Variants in ANKRD11 observed in about 807,000 individuals in gnomAD.
ANKRD11 encodes the protein ankyrin repeat domain-containing protein 11.
Under a neutral mutation model 195.7 loss-of-function variants are expected in ANKRD11, and 17 were observed. The observed-to-expected ratio is 0.09, with a 90% confidence interval of 0.06 to 0.13. The LOEUF is 0.13. Among genes scored for constraint, ANKRD11 ranks in the 10% least tolerant of loss-of-function variants. The pLI, the probability that ANKRD11 is intolerant of heterozygous loss-of-function variation, is 1.00. For missense variants in ANKRD11, 3,735 were observed against 3,566.1 expected, an observed-to-expected ratio of 1.05 and a Z score of -1.21; for synonymous variants, 1,953 against 1,528.1, an observed-to-expected ratio of 1.28 and a Z score of -6.49.
At chr16:89,411,154 C>T (rs1035742129) in intron 2 of ANKRD11, among the ~76,000 whole-genome samples, 1 of 152,268 alleles carries the variant, frequency 6.6e-6, no homozygotes, top group African/African-American at 2.4e-5. Flanking sequence ...CTCGGGCCCA[C>T]GCTGGCTGTC....
intron 1 of ANKRD11, among the ~76,000 whole-genome samples, chr16:89,480,806 G>A (rs538296165): frequency 7.9e-5 from 12 of 152,260 alleles, no homozygotes; most frequent in Non-Finnish European, 1.2e-4. Flanking sequence ...CACATCTGCC[G>A]AGCTGAGCAG....
chr16:89,343,352 G>C (rs951071010), intron 2 of ANKRD11, among the ~76,000 whole-genome samples: 1 of 152,208 alleles, frequency 6.6e-6, no homozygotes, highest in Non-Finnish European at 1.5e-5. Flanking sequence ...TTGACATTTA[G>C]TTATAAGCTC....
chr16:89,364,284 T>A (rs1206944626), intron 2 of ANKRD11, among the ~76,000 whole-genome samples: 1 of 152,190 alleles, frequency 6.6e-6, no homozygotes, highest in Non-Finnish European at 1.5e-5. Context: ...TGCAGCTTCA[T>A]GAGTGATCCC....
rs2151870471 is a variant in ANKRD11, at chr16:89,305,326, G to A, written c.106C>T (p.Leu36=). The A allele has an allele frequency of 6.2e-7, 1 of 1,613,992 alleles. No homozygotes were observed. Among genetic ancestry groups the A allele is most frequent in the East Asian group, 2.2e-5 (1 of 44,886 alleles). ...CGCTCCAGTTTTGGGGTCTTGGTTA[G>A]AGAAACTTTATCTTTATCCTAGAAA... ...TGKKDKDKVS[L]TKTPKLERGD... Residue 36 remains leucine, a synonymous_variant, in exon 4 of 13, where the codon CTA becomes TTA. Transcript: ENST00000301030.
At chr16:89,369,787 C>T (rs933660069) in intron 2 of ANKRD11, among the ~76,000 whole-genome samples, 4 of 152,174 alleles carry the variant, frequency 2.6e-5, no homozygotes, top group African/African-American at 9.7e-5. Context: ...TCATCAATGC[C>T]GATATACACC....
intron 1 of ANKRD11, among the ~76,000 whole-genome samples, chr16:89,478,790 T>C (rs2057343866): frequency 6.6e-6 from 1 of 152,196 alleles, no homozygotes; most frequent in Non-Finnish European, 1.5e-5. Flanking sequence ...CTTATTCCCA[T>C]GACTAACATC....
chr16:89,461,220 G>A (rs2056655767), intron 1 of ANKRD11, among the ~76,000 whole-genome samples: 2 of 142,694 alleles, frequency 1.4e-5, no homozygotes, highest in Non-Finnish European at 1.5e-5. Context: ...CTTGAGTGGT[G>A]ACATTCATAA....
At chr16:89,294,715 A>G (rs368344972) in intron 4 of ANKRD11, among the ~76,000 whole-genome samples, 18 of 152,260 alleles carry the variant, frequency 1.2e-4, no homozygotes, top group African/African-American at 4.1e-4. Context: ...GCACACACAC[A>G]GCCCGTACCT....
In ANKRD11 at chr16:89,280,891, G is replaced by A. The variant is rs1555526636; in HGVS notation, c.5651C>T (p.Ser1884Leu). The change falls in exon 9 of 13, where the codon TCA becomes TTA. Residue 1884 changes from serine (S) to leucine (L), a missense_variant. Ser to Leu is a moderately radical substitution (Grantham distance 145). Transcript: ENST00000301030. ...TVTPSPEGVF[S>L]SLQAKPSPSP... ...AGGGGAAGGTTTTGCTTGTAAACTT[G>A]AGAAGACGCCCTCTGGAGACGGGGT... 2 of 1,604,246 alleles carry A rather than the reference G, an allele frequency of 1.2e-6. No homozygotes were observed. The highest frequency in any genetic ancestry group is 1.7e-6 in the Non-Finnish European group (2 of 1,172,976).
intron 1 of ANKRD11, among the ~76,000 whole-genome samples, chr16:89,480,948 T>C (rs914295954): frequency 3.3e-5 from 5 of 152,130 alleles, no homozygotes; most frequent in African/African-American, 7.2e-5. Context: ...ATCACACCAG[T>C]GACGTCCACA....
chr16:89,280,372 G>C lies in ANKRD11; in HGVS notation c.6170C>G (p.Ala2057Gly), dbSNP rs760134096. The change falls in exon 9 of 13, where the codon GCC becomes GGC. Residue 2057 changes from alanine (A) to glycine (G), a missense_variant. Ala to Gly is a moderately conservative substitution (Grantham distance 60). Coordinates refer to ENST00000301030, the MANE Select transcript of ANKRD11 (RefSeq NM_013275.6). ...AISTSEAAPY[A>G]PPSGLESFFS... The stretch of plus-strand genomic sequence containing the variant: ...GAAGGACTCCAGCCCGGAGGGAGGG[G>C]CGTAGGGAGCCGCCTCTGAGGTGGA... 4.5e-6 allele frequency: 7 copies of C among 1,564,508 alleles called. No individual in the cohort carries two copies. The highest frequency in any genetic ancestry group is 2.3e-5 in the East Asian group (1 of 44,360).
intron 4 of ANKRD11, among the ~76,000 whole-genome samples, chr16:89,298,626 C>T (rs2035606882): frequency 6.6e-6 from 1 of 152,212 alleles, no homozygotes; most frequent in East Asian, 1.9e-4. Flanking sequence ...CGCTGAGCCT[C>T]GGGTGGTCTT....
intron 1 of ANKRD11, among the ~76,000 whole-genome samples, chr16:89,441,998 C>T (rs1203413136): frequency 1.3e-5 from 2 of 152,136 alleles, no homozygotes; most frequent in African/African-American, 4.8e-5. Flanking sequence ...ATTAAAAATC[C>T]TTGTACTGAA....
intron 1 of ANKRD11, among the ~76,000 whole-genome samples, chr16:89,442,695 C>A (rs535387948): frequency 6.6e-6 from 1 of 152,336 alleles, no homozygotes; most frequent in African/African-American, 2.4e-5. Flanking sequence ...GTCCTTTCCT[C>A]CCCACCACCC....
intron 3 of ANKRD11, among the ~76,000 whole-genome samples, chr16:89,314,467 C>T (rs1416476101): frequency 6.6e-6 from 1 of 152,136 alleles, no homozygotes; most frequent in Admixed American, 6.5e-5. Flanking sequence ...CACACATCAG[C>T]GCTGGGGCTG....
Position 89,384,467 on chromosome 16 carries a change from AGGACAAGATGGGAATG to A in ANKRD11, c.-60+33801_-60+33816del, listed in dbSNP as rs1351611674. ...AGAACGGGATGGGATGAAATGGGACAGGACAAGATGGGAATGGGACGAGATGGAAATGGGACAGGAT... is the reference window on the plus strand; with the variant it reads ...AGAACGGGATGGGATGAAATGGGACAGGACGAGATGGAAATGGGACAGGAT... On this transcript the variant is annotated intron_variant, in intron 2 of 12. Coordinates refer to ENST00000301030, the MANE Select transcript of ANKRD11 (RefSeq NM_013275.6). Among the ~76,000 whole-genome samples, 12 of 151,000 alleles carry A rather than the reference AGGACAAGATGGGAATG, an allele frequency of 7.9e-5. No individual in the cohort carries two copies. The East Asian group carries it at 2.1e-3, about 27-fold the overall frequency.
intron 3 of ANKRD11, chr16:89,313,384 T>A: frequency 7.8e-7 from 1 of 1,288,344 alleles, no homozygotes; most frequent in Non-Finnish European, 1.0e-6. Flanking sequence ...TCAGCGGTTC[T>A]GGGATTCCGT....
At chr16:89,367,391 G>A (rs940237777) in intron 2 of ANKRD11, among the ~76,000 whole-genome samples, 9 of 152,330 alleles carry the variant, frequency 5.9e-5, no homozygotes, top group African/African-American at 1.2e-4. Context: ...GGGAAAGGCC[G>A]GGGATGCTCA....
At chr16:89,468,389 G>A (rs1187191974) in intron 1 of ANKRD11, among the ~76,000 whole-genome samples, 3 of 152,192 alleles carry the variant, frequency 2.0e-5, no homozygotes, top group South Asian at 4.1e-4. Context: ...CTCACTCACC[G>A]ATTTGCTGTT....
Sources: gnomAD v4.1 joint callset for allele counts (sites outside exome capture counted in the v4.1 genomes callset) on GRCh38, gnomAD v4.1.1 for gene constraint, MANE v1.5 for transcripts, NCBI Gene and HGNC (gene_info 2026-07-23, HGNC 2026-07-21) for gene names.